CNTNAP2: variants seen among roughly 807,000 people sequenced by gnomAD.
CNTNAP2 encodes contactin-associated protein-like 2.
In CNTNAP2, 98 loss-of-function variants were observed where a neutral mutation model predicts 155.2. That is an observed-to-expected ratio of 0.63 (90% CI 0.54 to 0.75). The LOEUF is 0.75. Ranked by LOEUF, CNTNAP2 falls within the 30% of genes least tolerant of loss-of-function variation. The pLI is 0.00. For missense variants in CNTNAP2, 1,727 were observed against 1,688.1 expected (o/e 1.02, Z -0.40); for synonymous variants, 651 against 631.2 (o/e 1.03, Z -0.47).
chr7:146,446,322 C>T (rs568334116), intron 1 of CNTNAP2, among the ~76,000 whole-genome samples: 1 of 152,224 alleles, frequency 6.6e-6, no homozygotes, highest in East Asian at 1.9e-4. Context: ...AGGATCGTGG[C>T]TGTGAACATT....
chr7:146,850,480 T>C (rs1254357708), intron 3 of CNTNAP2, among the ~76,000 whole-genome samples: 1 of 152,188 alleles, frequency 6.6e-6, no homozygotes, highest in Non-Finnish European at 1.5e-5. Context: ...CCAACACTTA[T>C]TGGGGGTTCC....
At chr7:146,875,886 ACACACACACATACACACACG>A (rs1795411002) in intron 3 of CNTNAP2, among the ~76,000 whole-genome samples, 1 of 142,364 alleles carries the variant, frequency 7.0e-6, no homozygotes. Context: ...TCTTAAACAC[ACACACACACATACACACACG>A]CACACACACA....
intron 11 of CNTNAP2, among the ~76,000 whole-genome samples, chr7:147,531,822 T>TTTC (rs751238638): frequency 6.4e-4 from 92 of 143,482 alleles, no homozygotes; most frequent in Non-Finnish European, 7.3e-4. Context: ...TTTTTTTTTT[T>TTTC]CCGAGACAAA....
chr7:147,745,351 A>T (rs1584934115), intron 13 of CNTNAP2, among the ~76,000 whole-genome samples: 1 of 152,336 alleles, frequency 6.6e-6, no homozygotes, highest in Non-Finnish European at 1.5e-5. Flanking sequence ...CTCCAGTTCA[A>T]GTATGTAGCA....
chr7:147,687,409 G>T (rs1796029267), intron 13 of CNTNAP2, among the ~76,000 whole-genome samples: 1 of 152,028 alleles, frequency 6.6e-6, no homozygotes, highest in South Asian at 2.1e-4. Flanking sequence ...TATTTTTTCT[G>T]ATTCTTTTAT....
At chr7:148,243,730 G>C (rs1796201181) in intron 20 of CNTNAP2, among the ~76,000 whole-genome samples, 1 of 151,680 alleles carries the variant, frequency 6.6e-6, no homozygotes, top group Non-Finnish European at 1.5e-5. Context: ...AATGAGATTT[G>C]GGTAGAGACA....
At chr7:146,841,354 C>T (rs945541096) in intron 3 of CNTNAP2, among the ~76,000 whole-genome samples, 14 of 120,916 alleles carry the variant, frequency 1.2e-4, no homozygotes, top group East Asian at 5.5e-4. Flanking sequence ...GAGGGGAAGA[C>T]GGAGGAGTAA....
intron 1 of CNTNAP2, among the ~76,000 whole-genome samples, chr7:146,465,848 A>G (rs1796709860): frequency 6.6e-6 from 1 of 152,176 alleles, no homozygotes; most frequent in African/African-American, 2.4e-5. Flanking sequence ...TAAGAATGAA[A>G]TCTAGTTATT....
intron 3 of CNTNAP2, among the ~76,000 whole-genome samples, chr7:147,040,280 C>G (rs930434556): frequency 6.6e-6 from 1 of 151,990 alleles, no homozygotes; most frequent in Non-Finnish European, 1.5e-5. Context: ...ACATAGAAGA[C>G]TCTCAAATAT....
chr7:146,959,785 T>C (rs899330381), intron 3 of CNTNAP2, among the ~76,000 whole-genome samples: 8 of 146,284 alleles, frequency 5.5e-5, no homozygotes, highest in African/African-American at 1.8e-4. Flanking sequence ...GATTGTAAAA[T>C]AGGAACAGCA....
rs542846655 is a variant in CNTNAP2 at position 147,257,142 on chromosome 7, C to T, written c.1349-42999C>T. ...GTCTCATTGGTGGCTTTTGAGAATT[C>T]AGTTTTAGTAGAGAGATGGAGTTGT... On this transcript the variant is annotated intron_variant, in intron 8 of 23. Transcript: ENST00000361727. Among the ~76,000 whole-genome samples the T allele has an allele frequency of 9.9e-5, 15 of 152,182 alleles. No homozygotes were observed. The South Asian group carries it at 3.1e-3, about 32-fold the overall frequency.
intron 20 of CNTNAP2, among the ~76,000 whole-genome samples, chr7:148,257,645 C>T (rs575986343): frequency 6.6e-6 from 1 of 152,080 alleles, no homozygotes; most frequent in Non-Finnish European, 1.5e-5. Context: ...GCTTGTGGCT[C>T]TCAGCAATGT....
chr7:148,069,822 ACT>A (rs1803348721), intron 15 of CNTNAP2, among the ~76,000 whole-genome samples: 1 of 152,002 alleles, frequency 6.6e-6, no homozygotes, highest in South Asian at 2.1e-4. Context: ...CTCCATCTCA[ACT>A]CTCTAAAACT....
intron 2 of CNTNAP2, among the ~76,000 whole-genome samples, chr7:146,834,546 AAG>A (rs1427950587): frequency 6.6e-6 from 1 of 152,136 alleles, no homozygotes; most frequent in Non-Finnish European, 1.5e-5. Context: ...AGCACAGAAG[AAG>A]AGAGAGAAGG....
chr7:146,281,330 T>G (rs1226848026), intron 1 of CNTNAP2, among the ~76,000 whole-genome samples: 6 of 152,158 alleles, frequency 3.9e-5, no homozygotes, highest in Non-Finnish European at 8.8e-5. Flanking sequence ...AAACCTTTTA[T>G]GGTAGAATTT....
chr7:147,058,018 TTGTC>T (rs1341037119), intron 4 of CNTNAP2, among the ~76,000 whole-genome samples: 3 of 152,212 alleles, frequency 2.0e-5, no homozygotes, highest in Non-Finnish European at 4.4e-5. Flanking sequence ...CTCATATCGT[TTGTC>T]TGTGATTTGT....
intron 20 of CNTNAP2, among the ~76,000 whole-genome samples, chr7:148,247,180 G>A (rs1240405043): frequency 2.0e-5 from 3 of 152,202 alleles, no homozygotes; most frequent in African/African-American, 7.2e-5. Context: ...TATTGGCCAT[G>A]AGTCCAACCC....
chr7:148,318,670 C>T (rs1259613301), intron 21 of CNTNAP2, among the ~76,000 whole-genome samples: 1 of 152,144 alleles, frequency 6.6e-6, no homozygotes, highest in Non-Finnish European at 1.5e-5. Flanking sequence ...ATTGTAGGAA[C>T]ACTGTTAACC....
intron 11 of CNTNAP2, among the ~76,000 whole-genome samples, chr7:147,524,129 C>T (rs980550858): frequency 1.2e-4 from 19 of 152,220 alleles, no homozygotes; most frequent in African/African-American, 4.3e-4. Context: ...GCTCCACTCA[C>T]ACCTTGTCTA....
Sources: allele counts gnomAD v4.1 joint callset (sites outside exome capture counted in the v4.1 genomes callset), GRCh38; gene constraint gnomAD v4.1.1; transcripts MANE v1.5; gene names NCBI Gene and HGNC (gene_info 2026-07-23, HGNC 2026-07-21).